Variants in WDHD1 observed in about 807,000 individuals in gnomAD.
The protein encoded by WDHD1 is WD repeat and HMG-box DNA-binding protein 1.
In WDHD1, 111 loss-of-function variants were observed where a neutral mutation model predicts 135.4. The observed-to-expected ratio is 0.82, with a 90% CI of 0.70 to 0.96. WDHD1 has a LOEUF of 0.96. Ranked by LOEUF, WDHD1 falls within the 40% of genes least tolerant of loss-of-function variation. The pLI, the probability that WDHD1 is intolerant of heterozygous loss-of-function variation, is 0.00. For missense variants in WDHD1, 1,351 were observed against 1,336.3 expected (o/e 1.01, Z -0.17); for synonymous variants, 434 against 439.0 (o/e 0.99, Z 0.14).
At chr14:55,019,529 A>G (rs969291086) in intron 2 of WDHD1, among the ~76,000 whole-genome samples, 62 of 152,168 alleles carry the variant, frequency 4.1e-4, no homozygotes, top group Non-Finnish European at 1.5e-4. Flanking sequence ...TCTACCCCCA[A>G]TAAACCAGAT....
intron 24 of WDHD1, among the ~76,000 whole-genome samples, chr14:54,954,680 T>G (rs183361651): frequency 6.6e-6 from 1 of 152,378 alleles, no homozygotes; most frequent in African/African-American, 2.4e-5. Flanking sequence ...CATCCATTTA[T>G]GTATTTACTT....
chr14:55,009,572 T>C (rs936731453), intron 4 of WDHD1, among the ~76,000 whole-genome samples: 4 of 151,646 alleles, frequency 2.6e-5, no homozygotes, highest in African/African-American at 4.8e-5. Flanking sequence ...GCCGGGATTA[T>C]AGGCACCCGC....
Position 54,981,625 on chromosome 14 carries a change from G to A in WDHD1, c.1978C>T (p.Pro660Ser), listed in dbSNP as rs1046812814. The A allele has an allele frequency of 6.2e-7, 1 of 1,612,382 alleles. No homozygotes were observed. Among genetic ancestry groups the A allele is most frequent in the Non-Finnish European group, 8.5e-7 (1 of 1,178,580 alleles). ...LNRGLGNTWTPICNTREHCKG... is the reference protein window; with the variant it reads ...LNRGLGNTWTSICNTREHCKG... ...CAGTGCTCTCTTGTATTACATATAG[G>A]AGTCCACGTATTACCAAGTCCTCTG... Residue 660 changes from proline to serine, a missense_variant, in exon 16 of 26, where the codon CCT (proline) becomes TCT (serine). Physicochemically the swap from Pro to Ser is moderately conservative, Grantham distance 74. Coordinates refer to ENST00000360586, the MANE Select transcript of WDHD1 (RefSeq NM_007086.4).
intron 24 of WDHD1, among the ~76,000 whole-genome samples, chr14:54,953,250 T>C (rs561173773): frequency 3.3e-5 from 5 of 152,114 alleles, no homozygotes; most frequent in African/African-American, 1.2e-4. Flanking sequence ...ATATCCAGAA[T>C]CTACAAAGAA....
chr14:54,978,976 T>C (rs1394330921), intron 16 of WDHD1, among the ~76,000 whole-genome samples: 2 of 152,210 alleles, frequency 1.3e-5, no homozygotes, highest in African/African-American at 4.8e-5. Flanking sequence ...GCTACTACTT[T>C]TTTTTCTTTT....
intron 4 of WDHD1, 74 bp from the exon 5 acceptor site, chr14:55,008,793 A>ATT: frequency 4.9e-6 from 5 of 1,029,594 alleles, no homozygotes; most frequent in South Asian, 1.7e-5. Context: ...TGATCCAAAT[A>ATT]TTTCTTTTTT....
intron 16 of WDHD1, among the ~76,000 whole-genome samples, chr14:54,973,167 G>C (rs2140180394): frequency 6.6e-6 from 1 of 152,224 alleles, no homozygotes; most frequent in African/African-American, 2.4e-5. Flanking sequence ...CATTTAAAAA[G>C]ACGAAATCTC....
intron 10 of WDHD1, 64 bp downstream of exon 10, chr14:55,000,439 T>C: frequency 1.4e-6 from 2 of 1,454,680 alleles, no homozygotes; most frequent in Non-Finnish European, 1.8e-6. Context: ...GTTTGTGGTG[T>C]CTTCCAAATC....
intron 6 of WDHD1, 116 bp from the exon 7 acceptor site, chr14:55,007,491 C>G: frequency 1.5e-6 from 1 of 655,612 alleles, no homozygotes. Context: ...AAAAATGCAA[C>G]TTAATGCACC....
At chr14:55,001,956 C>A in intron 8 of WDHD1, 137 bp downstream of exon 8, 1 of 636,310 alleles carries the variant, frequency 1.6e-6, no homozygotes, top group Non-Finnish European at 2.8e-6. Flanking sequence ...AAAGGATGAG[C>A]TGTTAGAAGA....
intron 24 of WDHD1, among the ~76,000 whole-genome samples, chr14:54,954,318 CATAGTAGAGATCAAGAAA>C (rs1475814002): frequency 6.6e-6 from 1 of 151,860 alleles, no homozygotes. Flanking sequence ...AGAAATCCAG[CATAGTAGAGATCAAGAAA>C]ATAGGTAACA....
chr14:54,958,825 C>T lies in WDHD1; in HGVS notation c.2702-1190G>A, dbSNP rs191603285. Among the ~76,000 whole-genome samples, 17 of 152,266 alleles carry T rather than the reference C, an allele frequency of 1.1e-4. No individual in the cohort carries two copies. In the East Asian group the frequency reaches 1.7e-3, roughly 16 times the overall value. ...CATTTTTCTTTTTGCTTTACATTCT[C>T]CCCCAATGCTTGCTTACCCATGCTC... On this transcript the variant is annotated intron_variant, in intron 21 of 25. Transcript: ENST00000360586.
chr14:54,973,204 C>T (rs1308524594), intron 16 of WDHD1, among the ~76,000 whole-genome samples: 2 of 152,080 alleles, frequency 1.3e-5, no homozygotes, highest in African/African-American at 4.8e-5. Context: ...AATAATCATC[C>T]ACTTAATTTA....
chr14:55,001,925 CCA>C (rs2041986863), intron 8 of WDHD1, among the ~76,000 whole-genome samples, 166 bp downstream of exon 8: 1 of 152,176 alleles, frequency 6.6e-6, no homozygotes, highest in East Asian at 1.9e-4. Flanking sequence ...TATTTAGTAT[CCA>C]GTTATTGATC....
At chr14:54,984,652 A>C (rs1475885059) in intron 15 of WDHD1, 71 bp downstream of exon 15, 1 of 1,254,978 alleles carries the variant, frequency 8.0e-7, no homozygotes, top group Non-Finnish European at 1.1e-6. Context: ...AAAACAATGA[A>C]ATAATTTTCT....
chr14:55,026,568 T>C, intron 2 of WDHD1, 143 bp downstream of exon 2: 1 of 791,858 alleles, frequency 1.3e-6, no homozygotes, highest in Non-Finnish European at 2.1e-6. Context: ...CAAACAATAA[T>C]CTAAAGAAAT....
chr14:54,943,105 C>A (rs57622454), intron 25 of WDHD1, among the ~76,000 whole-genome samples: 1 of 152,020 alleles, frequency 6.6e-6, no homozygotes, highest in Non-Finnish European at 1.5e-5. Context: ...CTGCGCCCTG[C>A]CATTCCTGGG....
At chr14:54,949,747 G>A (rs2041008476) in intron 24 of WDHD1, among the ~76,000 whole-genome samples, 1 of 152,128 alleles carries the variant, frequency 6.6e-6, no homozygotes, top group Non-Finnish European at 1.5e-5. Flanking sequence ...CAGAGAGAAA[G>A]GTTAGGTTAC....
Position 54,966,164 on chromosome 14 carries a change from T to TTA in WDHD1, c.2310+310_2310+311insTA, listed in dbSNP as rs1555367531. Among the ~76,000 whole-genome samples, 650 of 67,176 alleles carry TTA rather than the reference T, an allele frequency of 9.7e-3. 3 individuals carry two copies. Among genetic ancestry groups the TTA allele is most frequent in the Non-Finnish European group, 0.012 (470 of 39,382 alleles). 44.1% of individuals were successfully genotyped at this position (67,176 alleles called of 152,430 possible). A position where few individuals can be genotyped will look rare whatever the true frequency, so the allele number is the denominator to read the frequency against. ...CAACATAGGGAAACCCCATCTCTAC[T>TTA]AAAAAAAAAAAAAAAAAAAAAAAAT... On this transcript the variant is annotated intron_variant, in intron 18 of 25. Transcript: ENST00000360586.
Sources: allele counts gnomAD v4.1 joint callset (sites outside exome capture counted in the v4.1 genomes callset), GRCh38; gene constraint gnomAD v4.1.1; transcripts MANE v1.5; gene names NCBI Gene and HGNC (gene_info 2026-07-23, HGNC 2026-07-21).